SLC6A5: variants seen among roughly 807,000 people sequenced by gnomAD.
SLC6A5 encodes sodium- and chloride-dependent glycine transporter 2.
A neutral mutation model predicts 90.5 loss-of-function variants in SLC6A5; 58 were observed. That is an observed-to-expected ratio of 0.64 (90% CI 0.52 to 0.80). The LOEUF (loss-of-function observed/expected upper bound fraction) is 0.80. Among genes scored for constraint, SLC6A5 ranks in the 30% least tolerant of loss-of-function variants. The pLI is 0.00. For synonymous variants in SLC6A5, 427 were observed against 401.4 expected (o/e 1.06, Z -0.76); for missense variants, 1,015 against 1,017.6 (o/e 1.00, Z 0.03).
intron 9 of SLC6A5, among the ~76,000 whole-genome samples, chr11:20,629,940 C>G (rs1315789027): frequency 6.6e-6 from 1 of 152,010 alleles, no homozygotes; most frequent in Non-Finnish European, 1.5e-5. Context: ...TGAGGCTGGT[C>G]TCGAACTCCT....
intron 15 of SLC6A5, among the ~76,000 whole-genome samples, chr11:20,652,945 G>T (rs1452812143): frequency 6.6e-6 from 1 of 152,186 alleles, no homozygotes; most frequent in Non-Finnish European, 1.5e-5. Context: ...AAATGTCACT[G>T]TTCCCACAGA....
chr11:20,614,679 A>T lies in SLC6A5; in HGVS notation c.986A>T (p.Asp329Val). Residue 329 changes from aspartate to valine, a missense_variant and splice_region_variant, in exon 6 of 16, where the codon GAT (aspartate) becomes GTT (valine). Asp to Val is a radical substitution (Grantham distance 152). This residue lies in a region of SLC6A5 where 567 missense variants were observed against 507.3 expected (regional missense o/e 1.12). Transcript: ENST00000525748. The stretch of plus-strand genomic sequence containing the variant: ...TTCTATTCTGTCCTCTCCTAAACAG[A>T]TTCCTGTGTTATCAGTGACCATCCC... ...ECKDKTKLLLDSCVISDHPKI... is the reference protein window; with the variant it reads ...ECKDKTKLLLVSCVISDHPKI... The T allele has an allele frequency of 6.2e-7, 1 of 1,613,578 alleles. No individual in the cohort carries two copies. Among genetic ancestry groups the T allele is most frequent in the Non-Finnish European group, 8.5e-7 (1 of 1,179,468 alleles).
At chr11:20,619,795 G>C (rs973676148) in intron 7 of SLC6A5, among the ~76,000 whole-genome samples, 1 of 152,172 alleles carries the variant, frequency 6.6e-6, no homozygotes, top group African/African-American at 2.4e-5. Flanking sequence ...AGGTTTGGGA[G>C]CACTTCTACT....
At chr11:20,614,226 T>C (rs1335171536) in intron 5 of SLC6A5, among the ~76,000 whole-genome samples, 1 of 152,178 alleles carries the variant, frequency 6.6e-6, no homozygotes, top group Non-Finnish European at 1.5e-5. Context: ...GTTTCAGCAA[T>C]TTATTTATTT....
At chr11:20,645,983 A>G (rs1853408320) in intron 13 of SLC6A5, among the ~76,000 whole-genome samples, 1 of 152,270 alleles carries the variant, frequency 6.6e-6, no homozygotes, top group Non-Finnish European at 1.5e-5. Flanking sequence ...AGAGCTGCTG[A>G]CTATGAAGGA....
intron 7 of SLC6A5, among the ~76,000 whole-genome samples, chr11:20,618,537 TCAGTTCCAAGCCACAGAAAGAGAGG>T (rs1455223937): frequency 6.6e-6 from 1 of 152,034 alleles, no homozygotes; most frequent in Non-Finnish European, 1.5e-5. Flanking sequence ...CCACCCAAGC[TCAGTTCCAAGCCACAGAAAGAGAGG>T]AGCCCATCGA....
chr11:20,651,643 C>G (rs1164932583), intron 14 of SLC6A5, among the ~76,000 whole-genome samples: 2 of 151,722 alleles, frequency 1.3e-5, no homozygotes, highest in African/African-American at 4.8e-5. Flanking sequence ...CACAGTGGCT[C>G]ACACCTGTAA....
At position 20,607,078 on chromosome 11, in the gene SLC6A5, C is replaced by T; in HGVS notation, c.751C>T (p.Leu251=). Residue 251 remains leucine (L), a synonymous_variant, in exon 4 of 16, where the codon CTG becomes TTG. Transcript: ENST00000525748. ...GLPIFFLEVS[L]GQFASQGPVS... is the part of the protein sequence containing the mutation. Reference sequence around the variant, plus strand: ...ACCCATCTTCTTCTTGGAGGTGTCGCTGGGCCAGTTTGCCAGCCAGGGACC... The same window carrying T: ...ACCCATCTTCTTCTTGGAGGTGTCGTTGGGCCAGTTTGCCAGCCAGGGACC... 6.2e-7 allele frequency: 1 copy of T among 1,614,088 alleles called. No individual in the cohort carries two copies. Among genetic ancestry groups the T allele is most frequent in the Non-Finnish European group, 8.5e-7 (1 of 1,180,018 alleles).
intron 3 of SLC6A5, among the ~76,000 whole-genome samples, chr11:20,605,868 G>T (rs997382278): frequency 6.6e-6 from 1 of 152,248 alleles, no homozygotes; most frequent in Admixed American, 6.5e-5. Flanking sequence ...TGTCTTGAGA[G>T]GATAAAGCAG....
Position 20,630,760 on chromosome 11 carries a change from T to C in SLC6A5, c.1569T>C (p.Val523=), listed in dbSNP as rs1169952877. 1 of 1,614,120 alleles carries C rather than the reference T, an allele frequency of 6.2e-7. No individual in the cohort carries two copies. The highest frequency in any genetic ancestry group is 1.3e-5 in the African/African-American group (1 of 74,952). ...SIFAGFVIFS[V]IGFMANERKV... ...TTGCCGGCTTCGTCATCTTCTCCGT[T>C]ATCGGCTTCATGGCCAATGAACGCA... Residue 523 remains valine (V), a synonymous_variant, in exon 10 of 16, where the codon GTT becomes GTC. Coordinates refer to ENST00000525748, the MANE Select transcript of SLC6A5 (RefSeq NM_004211.5).
chr11:20,629,255 C>A, intron 9 of SLC6A5: 1 of 152,224 alleles, frequency 6.6e-6, no homozygotes. Flanking sequence ...CCCCTTTGTC[C>A]TTCTCAACCC....
intron 12 of SLC6A5, among the ~76,000 whole-genome samples, chr11:20,637,602 C>T (rs770932364): frequency 2.0e-5 from 3 of 152,164 alleles, no homozygotes; most frequent in Non-Finnish European, 4.4e-5. Flanking sequence ...GTCCCAGCTA[C>T]TTGGGAGGCT....
chr11:20,608,270 G>A (rs1021546967), intron 5 of SLC6A5, among the ~76,000 whole-genome samples: 1 of 152,230 alleles, frequency 6.6e-6, no homozygotes, highest in East Asian at 1.9e-4. Flanking sequence ...GAGTCAGGGA[G>A]TGTTCCTGGA....
At chr11:20,601,030 G>A in intron 1 of SLC6A5, 99 bp from the exon 2 acceptor site, 3 of 1,207,952 alleles carry the variant, frequency 2.5e-6, no homozygotes, top group Non-Finnish European at 3.4e-6. Flanking sequence ...CCCAGATATT[G>A]TGTCTGGACC....
chr11:20,636,181 C>G, intron 10 of SLC6A5, 126 bp from the exon 11 acceptor site: 1 of 719,582 alleles, frequency 1.4e-6, no homozygotes, highest in Non-Finnish European at 2.6e-6. Context: ...TAAAAAATAA[C>G]CAACAGTGGA....
At chr11:20,626,401 G>C (rs955034277) in intron 7 of SLC6A5, among the ~76,000 whole-genome samples, 1 of 152,068 alleles carries the variant, frequency 6.6e-6, no homozygotes, top group Non-Finnish European at 1.5e-5. Context: ...CCTTCTCTCT[G>C]TGGTCCCCTA....
chr11:20,600,900 C>T (rs939471777), intron 1 of SLC6A5, among the ~76,000 whole-genome samples: 3 of 152,166 alleles, frequency 2.0e-5, no homozygotes, highest in African/African-American at 7.2e-5. Flanking sequence ...CTTAGTTCAT[C>T]CTCCACTAGG....
chr11:20,639,010 G>A (rs1178392031), intron 13 of SLC6A5, among the ~76,000 whole-genome samples: 5 of 152,124 alleles, frequency 3.3e-5, no homozygotes, highest in Admixed American at 1.3e-4. Flanking sequence ...CAGATCCTTA[G>A]GAAATTGTAT....
chr11:20,630,347 G>A (rs959071690), intron 9 of SLC6A5, among the ~76,000 whole-genome samples: 2 of 152,120 alleles, frequency 1.3e-5, no homozygotes, highest in African/African-American at 4.8e-5. Flanking sequence ...CTTTTCTAAA[G>A]CCTCCACCTC....
Sources: allele counts gnomAD v4.1 joint callset (sites outside exome capture counted in the v4.1 genomes callset), GRCh38; gene constraint gnomAD v4.1.1; regional missense constraint gnomAD v4.1.1; transcripts MANE v1.5; gene names NCBI Gene and HGNC (gene_info 2026-07-23, HGNC 2026-07-21).